The following PRIM2 variants were observed in gnomAD, a reference collection of about 807,000 sequenced individuals.
PRIM2 encodes DNA primase large subunit.
In PRIM2, 39 loss-of-function variants were observed where a neutral mutation model predicts 67.3. The observed-to-expected ratio is 0.58, with a 90% CI of 0.45 to 0.76. The LOEUF (loss-of-function observed/expected upper bound fraction) is 0.76, where lower values mean the gene tolerates loss of function less well. Ranked by LOEUF, PRIM2 falls within the 30% of genes least tolerant of loss-of-function variation. PRIM2 has a pLI of 0.00. For missense variants in PRIM2, 398 were observed against 598.7 expected (o/e 0.66, Z 3.50); for synonymous variants, 143 against 198.7 (o/e 0.72, Z 2.36).
chr6:57,432,997 G>GGT (rs1771884614), intron 7 of PRIM2, among the ~76,000 whole-genome samples: 1 of 152,164 alleles, frequency 6.6e-6, no homozygotes, highest in Non-Finnish European at 1.5e-5. Context: ...TAAATCAGGA[G>GGT]TTGACACACT....
At chr6:57,259,063 A>G in the PRIM2 span, among the ~76,000 whole-genome samples, 1 of 152,252 alleles carries the variant, frequency 6.6e-6, no homozygotes, top group Non-Finnish European at 1.5e-5. Flanking sequence ...TATTATAGCA[A>G]CATCATAAAA....
chr6:57,398,527 A>G (rs1380712190), intron 7 of PRIM2, among the ~76,000 whole-genome samples: 3 of 151,894 alleles, frequency 2.0e-5, no homozygotes, highest in Admixed American at 6.6e-5. Flanking sequence ...GTTATGATTT[A>G]TGTTATTTTG....
chr6:57,446,418 C>CTTCTTTTTTTTTTTTTTTTTT (rs1772366659), intron 7 of PRIM2, among the ~76,000 whole-genome samples: 1 of 83,814 alleles, frequency 1.2e-5, no homozygotes, highest in Non-Finnish European at 2.3e-5. Context: ...CACGCCACTT[C>CTTCTTTTTTTTTTTTTTTTTT]TTTTTTTTTT....
At chr6:57,376,816 G>A (rs1465371696) in intron 5 of PRIM2, among the ~76,000 whole-genome samples, 5 of 152,116 alleles carry the variant, frequency 3.3e-5, no homozygotes, top group African/African-American at 1.2e-4. Context: ...GTTGTAAATT[G>A]TAGCTTAAAA....
intron 5 of PRIM2, among the ~76,000 whole-genome samples, chr6:57,355,731 G>T (rs1185243096): frequency 6.6e-6 from 1 of 152,008 alleles, no homozygotes; most frequent in East Asian, 1.9e-4. Flanking sequence ...CACCTCCCCA[G>T]GCTCAGGTGA....
intron 5 of PRIM2, among the ~76,000 whole-genome samples, chr6:57,348,126 T>C (rs1216377661): frequency 2.0e-5 from 3 of 152,078 alleles, no homozygotes; most frequent in African/African-American, 7.2e-5. Context: ...AATATTGCCA[T>C]CTCTAGGGAA....
chr6:57,388,898 T>C lies in PRIM2; in HGVS notation c.693+6730T>C, dbSNP rs529047789. Reference sequence around the variant, plus strand: ...TTTTGGGGAGGAGAATGTGCAGCCATGAGACTCCAGGAAGAGTGTGGGATG... The same window carrying C: ...TTTTGGGGAGGAGAATGTGCAGCCACGAGACTCCAGGAAGAGTGTGGGATG... On this transcript the variant is annotated intron_variant, in intron 7 of 13. Transcript: ENST00000615550. Among the ~76,000 whole-genome samples the C allele has an allele frequency of 2.0e-5, 3 of 152,212 alleles. No individual in the cohort carries two copies. In the South Asian group the frequency reaches 6.2e-4, roughly 32 times the overall value.
chr6:57,305,276 T>A, the PRIM2 span, among the ~76,000 whole-genome samples: 1 of 152,138 alleles, frequency 6.6e-6, no homozygotes. Flanking sequence ...TGAAAACACA[T>A]CTTCTGTGAA....
intron 12 of PRIM2, among the ~76,000 whole-genome samples, chr6:57,631,457 A>G (rs1257349514): frequency 7.9e-5 from 12 of 152,154 alleles, no homozygotes; most frequent in Non-Finnish European, 1.3e-4. Context: ...AAGAGATTAC[A>G]TGAAGTAGAG....
intron 8 of PRIM2, among the ~76,000 whole-genome samples, chr6:57,518,613 C>T (rs1430195423): frequency 3.9e-5 from 6 of 152,072 alleles, no homozygotes; most frequent in African/African-American, 1.4e-4. Flanking sequence ...AAAAATTTTA[C>T]CTTTAATTCC....
At chr6:57,579,812 G>T in intron 10 of PRIM2, among the ~76,000 whole-genome samples, 1 of 152,096 alleles carries the variant, frequency 6.6e-6, no homozygotes. Context: ...GAGGGAGGGT[G>T]CAGATAAAAG....
At chr6:57,446,418 C>CTTTTGTTTTTTTTTTTT (rs1772366960) in intron 7 of PRIM2, among the ~76,000 whole-genome samples, 1 of 83,814 alleles carries the variant, frequency 1.2e-5, no homozygotes, top group Non-Finnish European at 2.3e-5. Context: ...CACGCCACTT[C>CTTTTGTTTTTTTTTTTT]TTTTTTTTTT....
chr6:57,470,701 G>C (rs1388769614), intron 7 of PRIM2, among the ~76,000 whole-genome samples: 5 of 151,812 alleles, frequency 3.3e-5, no homozygotes, highest in Admixed American at 1.3e-4. Context: ...ATTCTAATTT[G>C]GTAGGATTAA....
intron 10 of PRIM2, among the ~76,000 whole-genome samples, chr6:57,581,632 C>T (rs1485519228): frequency 1.3e-5 from 2 of 152,178 alleles, no homozygotes; most frequent in Non-Finnish European, 2.9e-5. Context: ...TCCCCCTGAC[C>T]GTTTCCTCCA....
chr6:57,231,219 C>A, the PRIM2 span, among the ~76,000 whole-genome samples: 501 of 152,300 alleles, frequency 3.3e-3, 3 homozygotes, highest in Non-Finnish European at 5.4e-3. Flanking sequence ...CCAACTTAAT[C>A]CTCTTGGAAA....
intron 7 of PRIM2, among the ~76,000 whole-genome samples, chr6:57,385,936 C>CTT (rs201876520): frequency 3.6e-4 from 51 of 141,190 alleles, no homozygotes; most frequent in African/African-American, 7.2e-4. Context: ...CTTTTGTTTT[C>CTT]TTTTTTTTTT....
chr6:57,416,371 C>T (rs4715686), intron 7 of PRIM2, among the ~76,000 whole-genome samples: 107,760 of 151,786 alleles, frequency 0.71, 38,573 homozygotes, highest in African/African-American at 0.81. Flanking sequence ...GCTGTAAACG[C>T]ATGTGCTATT....
At chr6:57,333,758 C>T (rs1768133906) in intron 5 of PRIM2, among the ~76,000 whole-genome samples, 1 of 151,824 alleles carries the variant, frequency 6.6e-6, no homozygotes, top group Non-Finnish European at 1.5e-5. Flanking sequence ...TTTTTCCCTC[C>T]TGTGTTTAAT....
chr6:57,544,540 A>G (rs1322530666), intron 10 of PRIM2, among the ~76,000 whole-genome samples: 1 of 152,134 alleles, frequency 6.6e-6, no homozygotes, highest in East Asian at 1.9e-4. Flanking sequence ...TCTGTCTATA[A>G]AATGCTTATT....
Sources: allele counts gnomAD v4.1 joint callset (sites outside exome capture counted in the v4.1 genomes callset), GRCh38; gene constraint gnomAD v4.1.1; transcripts MANE v1.5; gene names NCBI Gene and HGNC (gene_info 2026-07-23, HGNC 2026-07-21).